TET3: variants seen among roughly 807,000 people sequenced by gnomAD.
TET3 encodes methylcytosine dioxygenase TET3.
Under a neutral mutation model 141.4 loss-of-function variants are expected in TET3, and 19 were observed. The ratio of observed to expected loss-of-function variants is 0.13; its 90% confidence interval spans 0.09 to 0.20. The LOEUF is 0.20. TET3 is among the 10% of genes least tolerant of loss of function. TET3 has a pLI of 1.00. For synonymous variants in TET3, 1,043 were observed against 980.9 expected, an observed-to-expected ratio of 1.06 and a Z score of -1.18; for missense variants, 1,874 against 2,356.9, an observed-to-expected ratio of 0.80 and a Z score of 4.24.
At chr2:74,065,821 C>T (rs1199221707) in intron 4 of TET3, among the ~76,000 whole-genome samples, 1 of 150,886 alleles carries the variant, frequency 6.6e-6, no homozygotes, top group Non-Finnish European at 1.5e-5. Context: ...TGCAGTGGTG[C>T]GACCTCAGCT....
chr2:74,015,115 C>T (rs1290061939), intron 3 of TET3, among the ~76,000 whole-genome samples: 2 of 152,078 alleles, frequency 1.3e-5, no homozygotes, highest in Non-Finnish European at 2.9e-5. Flanking sequence ...TGACTTGGCC[C>T]AAGGGTCGCA....
Position 74,046,493 on chromosome 2 carries a change from T to C in TET3, c.576T>C (p.Ala192=). ...CTGCCCCAGGCCCAGCTCATACTGC[T>C]CGCCTGGAAGATGCCCACGATCTGG... is the stretch of plus-strand genomic sequence containing the variant. ...WEAAPGPAHT[A]RLEDAHDLVA... Residue 192 remains alanine (A), a synonymous_variant, in exon 4 of 12, where the codon GCT becomes GCC. Transcript: ENST00000409262. This position sits in a 1 kb window ranked among gnomAD's most constrained non-coding sequence, Gnocchi z 4.3. The C allele has an allele frequency of 1.2e-6, 2 of 1,613,926 alleles. No individual in the cohort carries two copies. Among genetic ancestry groups the C allele is most frequent in the Non-Finnish European group, 8.5e-7 (1 of 1,179,830 alleles).
At chr2:74,021,057 A>G (rs558915192) in intron 3 of TET3, among the ~76,000 whole-genome samples, 2 of 152,362 alleles carry the variant, frequency 1.3e-5, no homozygotes, top group South Asian at 4.1e-4. Context: ...AGGACACTCA[A>G]GAAATACTGG....
At chr2:74,115,133 C>T in the TET3 span, among the ~76,000 whole-genome samples, 1 of 151,902 alleles carries the variant, frequency 6.6e-6, no homozygotes, top group Non-Finnish European at 1.5e-5. Flanking sequence ...AGCTTCTGCA[C>T]AGTAAAGTTG....
At chr2:73,984,400 C>A (rs1289862391), upstream of TET3, among the ~76,000 whole-genome samples, 1 of 152,198 alleles carries the variant, frequency 6.6e-6, no homozygotes, top group African/African-American at 2.4e-5. This position sits in a 1 kb window ranked among gnomAD's most constrained non-coding sequence, Gnocchi z 5.6. Flanking sequence ...CGCAAACGCG[C>A]GATGTCCCCC....
At chr2:74,127,344 C>G in the TET3 span, among the ~76,000 whole-genome samples, 1 of 152,186 alleles carries the variant, frequency 6.6e-6, no homozygotes, top group Non-Finnish European at 1.5e-5. Context: ...ATTAAAATTT[C>G]TTCTGAATTA....
intron 3 of TET3, among the ~76,000 whole-genome samples, chr2:74,023,881 G>A (rs566575361): frequency 6.6e-6 from 1 of 152,032 alleles, no homozygotes; most frequent in South Asian, 2.1e-4. Flanking sequence ...TTTCAGGAGA[G>A]TCATCTCTTG....
chr2:74,010,501 C>G (rs549257285), intron 3 of TET3, among the ~76,000 whole-genome samples: 2 of 152,224 alleles, frequency 1.3e-5, no homozygotes, highest in African/African-American at 2.4e-5. Context: ...TCTGGTTCAA[C>G]GAGTTTGGTG....
chr2:74,038,305 T>A lies in TET3; in HGVS notation c.361-7973T>A, dbSNP rs140297889. Among the ~76,000 whole-genome samples, 32 of 152,284 alleles carry A rather than the reference T, an allele frequency of 2.1e-4. No homozygotes were observed. The East Asian group carries it at 5.0e-3, about 24-fold the overall frequency. On this transcript the variant is annotated intron_variant, in intron 3 of 11. Transcript: ENST00000409262. Reference sequence around the variant, plus strand: ...AAGGGCATTTTCTCTGCCTGAGTAATGTTTCCTGCCTCTCAGTCTCCTAGT... The same window carrying A: ...AAGGGCATTTTCTCTGCCTGAGTAAAGTTTCCTGCCTCTCAGTCTCCTAGT...
chr2:74,080,010 C>G (rs1689717719), intron 5 of TET3, among the ~76,000 whole-genome samples: 1 of 152,214 alleles, frequency 6.6e-6, no homozygotes, highest in Non-Finnish European at 1.5e-5. Flanking sequence ...AGTAGAGCCA[C>G]TTCTCCCCAA....
intron 3 of TET3, among the ~76,000 whole-genome samples, chr2:74,029,248 A>C (rs1328115132): frequency 2.0e-5 from 3 of 152,190 alleles, no homozygotes; most frequent in South Asian, 4.1e-4. Flanking sequence ...ACAGCCTTCA[A>C]GGTTGAGTAG....
At chr2:74,128,470 A>G in the TET3 span, among the ~76,000 whole-genome samples, 8 of 152,124 alleles carry the variant, frequency 5.3e-5, no homozygotes, top group Non-Finnish European at 1.2e-4. Flanking sequence ...GGCTACCTAG[A>G]AAAAAGACAT....
intron 4 of TET3, among the ~76,000 whole-genome samples, chr2:74,072,783 A>C (rs976824269): frequency 6.6e-6 from 1 of 152,164 alleles, no homozygotes; most frequent in Non-Finnish European, 1.5e-5. Context: ...CGAACCTCTC[A>C]TCTACTTTCT....
downstream of TET3, among the ~76,000 whole-genome samples, chr2:74,110,486 A>C (rs556755752): frequency 2.6e-4 from 40 of 152,288 alleles, no homozygotes; most frequent in East Asian, 7.5e-3. Context: ...GTGCATCCAT[A>C]CATACATCAT....
intron 4 of TET3, among the ~76,000 whole-genome samples, chr2:74,071,559 A>G (rs1689204537): frequency 6.6e-6 from 1 of 152,334 alleles, no homozygotes; most frequent in Admixed American, 6.5e-5. Flanking sequence ...TTGCTTGTAA[A>G]TGTCTTACGT....
intron 5 of TET3, among the ~76,000 whole-genome samples, chr2:74,075,117 G>A (rs974010915): frequency 2.6e-5 from 4 of 151,964 alleles, no homozygotes; most frequent in Non-Finnish European, 5.9e-5. Flanking sequence ...TGATCCGCCC[G>A]CCTCGGCCTC....
intron 4 of TET3, among the ~76,000 whole-genome samples, chr2:74,065,615 CG>C (rs1688844152): frequency 3.6e-5 from 5 of 139,972 alleles, no homozygotes; most frequent in African/African-American, 1.1e-4. Flanking sequence ...TCCGTCCGTC[CG>C]TCCGTCCTTC....
chr2:74,039,770 G>C (rs1687247858), intron 3 of TET3, among the ~76,000 whole-genome samples: 1 of 152,144 alleles, frequency 6.6e-6, no homozygotes, highest in African/African-American at 2.4e-5. Context: ...TGTTGGCTGG[G>C]ACCTCAGCTG....
intron 3 of TET3, among the ~76,000 whole-genome samples, chr2:74,044,977 C>T (rs911503136): frequency 7.2e-5 from 11 of 152,164 alleles, no homozygotes; most frequent in Admixed American, 2.0e-4. Context: ...GCCATGAACA[C>T]GCATTTAGCT....
Sources: gnomAD v4.1 joint callset for allele counts (sites outside exome capture counted in the v4.1 genomes callset) on GRCh38, gnomAD v4.1.1 for gene constraint, Gnocchi (gnomAD v3.1) non-coding constraint, MANE v1.5 for transcripts, NCBI Gene and HGNC (gene_info 2026-07-23, HGNC 2026-07-21) for gene names.